Variants in GOLIM4 observed in about 807,000 individuals in gnomAD.
The protein encoded by GOLIM4 is 130 kDa golgi-localized phosphoprotein.
In GOLIM4, 71 loss-of-function variants were observed where a neutral mutation model predicts 107.4. The ratio of observed to expected loss-of-function variants is 0.66; its 90% confidence interval spans 0.55 to 0.81. The LOEUF (loss-of-function observed/expected upper bound fraction) is 0.81. Ranked by LOEUF, GOLIM4 falls within the 30% of genes least tolerant of loss-of-function variation. The pLI is 0.00. For synonymous variants in GOLIM4, 327 were observed against 294.8 expected, an observed-to-expected ratio of 1.11 and a Z score of -1.12; for missense variants, 830 against 826.1, an observed-to-expected ratio of 1.00 and a Z score of -0.06.
chr3:168,040,667 A>T, intron 7 of GOLIM4, 119 bp downstream of exon 7: 1 of 605,810 alleles, frequency 1.7e-6, no homozygotes, highest in Non-Finnish European at 3.0e-6. Flanking sequence ...CAGGATTAGG[A>T]TAGCTCTGTC....
chr3:168,012,932 A>G (rs1296059686), intron 14 of GOLIM4, among the ~76,000 whole-genome samples: 1 of 151,434 alleles, frequency 6.6e-6, no homozygotes, highest in East Asian at 1.9e-4. Context: ...CCACTGCAAA[A>G]TCATGCCAAA....
At chr3:168,040,959 C>T in intron 6 of GOLIM4, 90 bp from the exon 7 acceptor site, 1 of 798,446 alleles carries the variant, frequency 1.3e-6, no homozygotes, top group South Asian at 1.5e-5. Flanking sequence ...CCAAATGTTA[C>T]TTGCTTGTTT....
intron 12 of GOLIM4, among the ~76,000 whole-genome samples, chr3:168,025,369 C>T (rs532366024): frequency 6.6e-6 from 1 of 152,130 alleles, no homozygotes; most frequent in Non-Finnish European, 1.5e-5. Flanking sequence ...TCTACTGACA[C>T]AAGTAATGTG....
chr3:168,027,523 C>T (rs570470952), intron 12 of GOLIM4, among the ~76,000 whole-genome samples: 127 of 150,506 alleles, frequency 8.4e-4, no homozygotes, highest in African/African-American at 2.9e-3. Flanking sequence ...CCCAGAGCAA[C>T]TTTTAAACCA....
rs370034880 is a variant in GOLIM4, at chr3:168,095,175, C to G, written c.111G>C (p.Gln37His). ...LYGAMLYYELQTQLRKAEAVA... is the reference protein window; with the variant it reads ...LYGAMLYYELHTQLRKAEAVA... ...CCGCCTCGGCTTTCCGCAGCTGCGT[C>G]TGCAGCTCGTAGTAGAGCATCGCGC... Residue 37 changes from glutamine to histidine, a missense_variant, in exon 1 of 16, where the codon CAG (glutamine) becomes CAC (histidine). By Grantham distance (24) the Gln-to-His change is conservative (BLOSUM62 0). Coordinates refer to ENST00000470487, the MANE Select transcript of GOLIM4 (RefSeq NM_014498.5). 1 of 1,612,886 alleles carries G rather than the reference C, an allele frequency of 6.2e-7. No homozygotes were observed. Among genetic ancestry groups the G allele is most frequent in the Admixed American group, 1.7e-5 (1 of 60,010 alleles).
chr3:168,022,289 T>G (rs1301667228), intron 14 of GOLIM4, among the ~76,000 whole-genome samples: 1 of 151,148 alleles, frequency 6.6e-6, no homozygotes, highest in Non-Finnish European at 1.5e-5. Flanking sequence ...TGCATTCTAG[T>G]GGTTAGCTGG....
Position 168,032,592 on chromosome 3 carries a change from C to G in GOLIM4, c.1104G>C (p.Gln368His), listed in dbSNP as rs750226156. Residue 368 changes from glutamine to histidine, a missense_variant, in exon 9 of 16, where the codon CAG becomes CAC. Transcript: ENST00000470487. ...CATGCTGCTCTTTCCACTCCCGATC[C>G]TGCTCCTCTGGTGATGGATCGTGTT... ...EEEHDPSPEE[Q>H]DREWKEQHEQ... 1 of 1,614,144 alleles carries G rather than the reference C, an allele frequency of 6.2e-7. No homozygotes were observed.
At chr3:168,019,330 C>T (rs1717552494) in intron 14 of GOLIM4, among the ~76,000 whole-genome samples, 1 of 152,152 alleles carries the variant, frequency 6.6e-6, no homozygotes, top group African/African-American at 2.4e-5. Flanking sequence ...GTGAATTATT[C>T]TTAAAAATTC....
chr3:168,041,795 ATAATGCGTAGG>A (rs1719017928), intron 5 of GOLIM4, among the ~76,000 whole-genome samples: 1 of 152,298 alleles, frequency 6.6e-6, no homozygotes, highest in African/African-American at 2.4e-5. Flanking sequence ...GGAATAAAAT[ATAATGCGTAGG>A]TGTACTCAGA....
At position 168,080,646 on chromosome 3, in the gene GOLIM4, C is replaced by A. The variant is rs148725264; in HGVS notation, c.187+14453G>T. On this transcript the variant is annotated intron_variant, in intron 1 of 15. Coordinates refer to ENST00000470487, the MANE Select transcript of GOLIM4 (RefSeq NM_014498.5). ...AGGCCAGGCCATTAACATAAATGAC[C>A]AAATCAATGGCAGTGGGAGTTTTGG... 2.7e-3 allele frequency among the ~76,000 whole-genome samples: 408 copies of A among 152,166 alleles called. 4 individuals are homozygous for A. Among genetic ancestry groups the A allele is most frequent in the East Asian group, 0.022 (114 of 5,166 alleles).
At chr3:168,020,088 G>A (rs1286278158) in intron 14 of GOLIM4, among the ~76,000 whole-genome samples, 1 of 152,122 alleles carries the variant, frequency 6.6e-6, no homozygotes, top group Non-Finnish European at 1.5e-5. Flanking sequence ...ATCAGACCTA[G>A]GTGAGCTCTA....
intron 1 of GOLIM4, among the ~76,000 whole-genome samples, chr3:168,065,754 G>T (rs984530893): frequency 6.6e-6 from 1 of 152,142 alleles, no homozygotes; most frequent in Non-Finnish European, 1.5e-5. Context: ...GTTCCTCCAT[G>T]GACTCAGCAG....
intron 1 of GOLIM4, among the ~76,000 whole-genome samples, chr3:168,078,337 T>A (rs1450381033): frequency 6.6e-6 from 1 of 152,160 alleles, no homozygotes; most frequent in Non-Finnish European, 1.5e-5. Flanking sequence ...AAAAGTAAAA[T>A]CAATTACATT....
chr3:168,090,621 A>G (rs1377638743), intron 1 of GOLIM4, among the ~76,000 whole-genome samples: 1 of 152,180 alleles, frequency 6.6e-6, no homozygotes, highest in Admixed American at 6.5e-5. Context: ...GGATTTCTCA[A>G]AGAACTAAAA....
At chr3:168,024,113 T>C (rs775893793) in intron 14 of GOLIM4, among the ~76,000 whole-genome samples, 2 of 152,192 alleles carry the variant, frequency 1.3e-5, no homozygotes, top group African/African-American at 4.8e-5. Context: ...TGGATTCCGA[T>C]AGACACTATG....
At chr3:168,041,350 G>T in intron 6 of GOLIM4, 42 bp downstream of exon 6, 2 of 1,089,546 alleles carry the variant, frequency 1.8e-6, no homozygotes, top group Non-Finnish European at 2.8e-6. Context: ...ACCAAATAAA[G>T]CAGGCAAACA....
intron 1 of GOLIM4, among the ~76,000 whole-genome samples, chr3:168,069,724 G>T (rs1338650094): frequency 6.6e-6 from 1 of 152,148 alleles, no homozygotes; most frequent in African/African-American, 2.4e-5. Flanking sequence ...GGAAACAGCA[G>T]CCTTTCAAAG....
In GOLIM4 at chr3:168,081,743, C is replaced by G. The variant is rs536405824; in HGVS notation, c.187+13356G>C. ...TGTAACACAGGGTTGTTTTCAGCAT[C>G]AAATAATATCATGAATACAAGGCAA... is the stretch of plus-strand genomic sequence containing the variant. On this transcript the variant is annotated intron_variant, in intron 1 of 15. Transcript: ENST00000470487. 2.6e-5 allele frequency among the ~76,000 whole-genome samples: 4 copies of G among 152,232 alleles called. No homozygotes were observed. The East Asian group carries it at 7.7e-4, about 29-fold the overall frequency.
rs533801646 is a variant in GOLIM4 at position 168,033,432 on chromosome 3, C to T, written c.844-580G>A. 9.6e-4 allele frequency among the ~76,000 whole-genome samples: 121 copies of T among 126,216 alleles called. No homozygotes were observed. The East Asian group carries it at 0.017, about 18-fold the overall frequency. 82.8% of individuals were successfully genotyped at this position (126,216 alleles called of 152,430 possible). On this transcript the variant is annotated intron_variant, in intron 8 of 15. Coordinates refer to ENST00000470487, the MANE Select transcript of GOLIM4 (RefSeq NM_014498.5). ...CATCCTGGCTAACACAGTGAAACCC[C>T]GTCTCTACTAAAAAAACACAAAAAA...
Sources: gnomAD v4.1 joint callset for allele counts (sites outside exome capture counted in the v4.1 genomes callset) on GRCh38, gnomAD v4.1.1 for gene constraint, MANE v1.5 for transcripts, NCBI Gene and HGNC (gene_info 2026-07-23, HGNC 2026-07-21) for gene names.